Variants in RNF212B observed in about 807,000 individuals in gnomAD.
The protein encoded by RNF212B is ring finger protein 212B.
In RNF212B, 52 loss-of-function variants were observed where a neutral mutation model predicts 55.5. That is an observed-to-expected ratio of 0.94 (90% CI 0.75 to 1.18). The LOEUF (loss-of-function observed/expected upper bound fraction) is 1.18. Among genes scored for constraint, RNF212B ranks in the 50% most tolerant of loss-of-function variants. The pLI is 0.00. For missense variants in RNF212B, 289 were observed against 350.4 expected (o/e 0.82, Z 1.40); for synonymous variants, 99 against 121.4 (o/e 0.82, Z 1.21).
At chr14:23,230,481 C>T (rs1020051668) in intron 2 of RNF212B, among the ~76,000 whole-genome samples, 41 of 151,878 alleles carry the variant, frequency 2.7e-4, no homozygotes, top group South Asian at 1.5e-3. Context: ...GGTGAAACCC[C>T]GTCTCTACTA....
At chr14:23,234,415 T>C (rs564002923), upstream of RNF212B, among the ~76,000 whole-genome samples, 1 of 152,252 alleles carries the variant, frequency 6.6e-6, no homozygotes, top group South Asian at 2.1e-4. Flanking sequence ...CACACCTAGG[T>C]TATAAGAGTA....
chr14:23,259,788 A>T, intron 5 of RNF212B, 96 bp from the exon 6 acceptor site: 1 of 527,520 alleles, frequency 1.9e-6, no homozygotes, highest in Non-Finnish European at 3.3e-6. Flanking sequence ...AGCATTTCTC[A>T]GTAAGTATTA....
intron 2 of RNF212B, among the ~76,000 whole-genome samples, chr14:23,201,887 A>C (rs543373519): frequency 6.6e-6 from 1 of 152,164 alleles, no homozygotes; most frequent in African/African-American, 2.4e-5. Flanking sequence ...TTTGTAAGCA[A>C]TCTATAAAGT....
intron 4 of RNF212B, among the ~76,000 whole-genome samples, chr14:23,246,292 T>C (rs1883975694): frequency 6.6e-6 from 1 of 152,120 alleles, no homozygotes; most frequent in African/African-American, 2.4e-5. Context: ...TGTCAGCTCC[T>C]AACATAGTAC....
intron 12 of RNF212B, among the ~76,000 whole-genome samples, chr14:23,269,298 G>A (rs1017904741): frequency 2.0e-5 from 3 of 151,318 alleles, no homozygotes; most frequent in Admixed American, 6.6e-5. Flanking sequence ...GTGAGACTCC[G>A]TCTCAAAAAA....
intron 2 of RNF212B, among the ~76,000 whole-genome samples, chr14:23,219,628 T>C (rs1379056969): frequency 6.6e-6 from 1 of 151,932 alleles, no homozygotes; most frequent in Admixed American, 6.6e-5. Context: ...TGCACCACCA[T>C]GCCCAGCTAA....
At chr14:23,264,830 T>C (rs1885564173) in intron 11 of RNF212B, among the ~76,000 whole-genome samples, 159 bp downstream of exon 11, 1 of 151,940 alleles carries the variant, frequency 6.6e-6, no homozygotes, top group Non-Finnish European at 1.5e-5. Flanking sequence ...TTTTTTTTTT[T>C]TTTTTGGTGA....
chr14:23,257,014 G>T (rs372974382), intron 4 of RNF212B, among the ~76,000 whole-genome samples: 2 of 151,988 alleles, frequency 1.3e-5, no homozygotes, highest in Admixed American at 6.6e-5. Flanking sequence ...TTAGCCAGGC[G>T]TGGTGGCGGA....
intron 4 of RNF212B, among the ~76,000 whole-genome samples, chr14:23,256,030 T>C (rs977871): frequency 0.58 from 88,843 of 151,916 alleles, 27,635 homozygotes; most frequent in African/African-American, 0.82. Context: ...CAAAGTAGGT[T>C]TGCTTAGGCC....
intron 5 of RNF212B, 123 bp downstream of exon 5, chr14:23,258,787 T>C: frequency 2.2e-6 from 1 of 451,758 alleles, no homozygotes; most frequent in Non-Finnish European, 3.8e-6. Context: ...TTTGGGAAAA[T>C]CAGGTACAGA....
intron 1 of RNF212B, among the ~76,000 whole-genome samples, 156 bp downstream of exon 1, chr14:23,238,211 C>A (rs994567625): frequency 2.6e-5 from 4 of 152,192 alleles, no homozygotes; most frequent in African/African-American, 9.6e-5. Flanking sequence ...CAGGGGATGA[C>A]ATTGTTGCTG....
intron 2 of RNF212B, among the ~76,000 whole-genome samples, chr14:23,195,165 C>T (rs778547432): frequency 1.2e-4 from 18 of 151,722 alleles, no homozygotes; most frequent in Admixed American, 5.9e-4. Flanking sequence ...TTGTGGTGCA[C>T]GTCTACAGTC....
intron 2 of RNF212B, among the ~76,000 whole-genome samples, chr14:23,227,534 C>T (rs979553531): frequency 6.6e-6 from 1 of 152,068 alleles, no homozygotes; most frequent in Non-Finnish European, 1.5e-5. Flanking sequence ...GTATATTATA[C>T]ATCAATATAC....
chr14:23,270,761 C>T (rs1309389298), intron 14 of RNF212B, 100 bp downstream of exon 14: 6 of 765,104 alleles, frequency 7.8e-6, no homozygotes, highest in East Asian at 5.4e-5. Context: ...CAGTGAAGAA[C>T]GACATGGGTT....
chr14:23,202,608 T>C (rs895880185), intron 2 of RNF212B, among the ~76,000 whole-genome samples: 7 of 152,178 alleles, frequency 4.6e-5, no homozygotes, highest in African/African-American at 1.7e-4. Flanking sequence ...TCCCAGCACT[T>C]CGGGAGGCCG....
chr14:23,249,373 C>T (rs1366233974), intron 4 of RNF212B, among the ~76,000 whole-genome samples: 2 of 152,078 alleles, frequency 1.3e-5, no homozygotes, highest in African/African-American at 4.8e-5. Flanking sequence ...TAGTGAAACC[C>T]CTTCACTACA....
intron 2 of RNF212B, among the ~76,000 whole-genome samples, chr14:23,228,791 C>T (rs1470806413): frequency 6.6e-6 from 1 of 152,136 alleles, no homozygotes; most frequent in Non-Finnish European, 1.5e-5. Flanking sequence ...ACAAATCAAT[C>T]AGTGGAACAG....
chr14:23,234,186 T>C (rs1244709476), upstream of RNF212B, among the ~76,000 whole-genome samples: 3 of 152,172 alleles, frequency 2.0e-5, no homozygotes, highest in Admixed American at 2.0e-4. Context: ...TTCAAATTTC[T>C]ATTAAGTTGT....
At chr14:23,266,867 TG>T (rs2140485265) in intron 11 of RNF212B, among the ~76,000 whole-genome samples, 1 of 152,370 alleles carries the variant, frequency 6.6e-6, no homozygotes, top group South Asian at 2.1e-4. Flanking sequence ...TCAATTAGTA[TG>T]CTTCTGTTTC....
Sources: gnomAD v4.1 joint callset for allele counts (sites outside exome capture counted in the v4.1 genomes callset) on GRCh38, gnomAD v4.1.1 for gene constraint, MANE v1.5 for transcripts, NCBI Gene and HGNC (gene_info 2026-07-23, HGNC 2026-07-21) for gene names.